CDH13: variants seen among roughly 807,000 people sequenced by gnomAD.
CDH13 encodes the protein cadherin 13.
CDH13 carries 24 observed loss-of-function variants against 63.8 expected under a neutral mutation model. The ratio of observed to expected loss-of-function variants is 0.38; its 90% CI spans 0.27 to 0.53. The LOEUF is 0.53. Ranked by LOEUF, CDH13 falls within the 20% of genes least tolerant of loss-of-function variation. CDH13 has a pLI of 0.85. For synonymous variants in CDH13, 503 were observed against 355.3 expected (o/e 1.42, Z -4.67); for missense variants, 1,049 against 903.1 (o/e 1.16, Z -2.07).
chr16:83,349,758 G>C (rs1436856661), intron 6 of CDH13, among the ~76,000 whole-genome samples: 2 of 151,916 alleles, frequency 1.3e-5, no homozygotes, highest in Non-Finnish European at 2.9e-5. Flanking sequence ...CTGCCACCAC[G>C]CCCAGCTAAT....
chr16:83,414,873 G>A (rs75913170), intron 6 of CDH13, among the ~76,000 whole-genome samples: 3,051 of 152,188 alleles, frequency 0.02, 118 homozygotes, highest in African/African-American at 0.068. Flanking sequence ...TGCAGTGAAC[G>A]TGGTAGCTCT....
chr16:83,665,682 A>C (rs1913881650), intron 8 of CDH13, among the ~76,000 whole-genome samples: 2 of 152,194 alleles, frequency 1.3e-5, no homozygotes, highest in Non-Finnish European at 2.9e-5. Context: ...TTAGTCTAGT[A>C]TTCAGGTCAA....
At chr16:83,330,433 G>C (rs2090456375) in intron 5 of CDH13, among the ~76,000 whole-genome samples, 1 of 152,224 alleles carries the variant, frequency 6.6e-6, no homozygotes, top group Non-Finnish European at 1.5e-5. Context: ...CTTGAGGTTA[G>C]AGTGTGCCAC....
intron 5 of CDH13, among the ~76,000 whole-genome samples, chr16:83,322,997 C>G (rs1006101862): frequency 6.6e-6 from 1 of 151,794 alleles, no homozygotes; most frequent in Non-Finnish European, 1.5e-5. Flanking sequence ...ACTTTCATAC[C>G]CATTTGTTTG....
intron 3 of CDH13, among the ~76,000 whole-genome samples, chr16:83,090,573 C>CAAAA (rs372312398): frequency 2.2e-4 from 28 of 129,976 alleles, no homozygotes; most frequent in African/African-American, 5.8e-4. Flanking sequence ...AACTGCATCT[C>CAAAA]AAAAAAAAAA....
intron 2 of CDH13, among the ~76,000 whole-genome samples, chr16:83,026,508 T>C (rs944416378): frequency 6.6e-6 from 1 of 152,190 alleles, no homozygotes; most frequent in African/African-American, 2.4e-5. Context: ...GGACAAAAAT[T>C]GCACTTACAA....
chr16:83,072,637 C>G (rs562670100), intron 3 of CDH13, among the ~76,000 whole-genome samples: 1 of 152,104 alleles, frequency 6.6e-6, no homozygotes, highest in Non-Finnish European at 1.5e-5. Context: ...CTTAGGTGTT[C>G]TGGGTCCCAT....
chr16:83,778,341 C>T (rs750240533), intron 11 of CDH13, among the ~76,000 whole-genome samples: 1 of 152,126 alleles, frequency 6.6e-6, no homozygotes, highest in African/African-American at 2.4e-5. Flanking sequence ...ACCAGACTGA[C>T]CAACGTGGTG....
chr16:83,356,995 T>G (rs117895945), intron 6 of CDH13, among the ~76,000 whole-genome samples: 2 of 152,218 alleles, frequency 1.3e-5, no homozygotes, highest in Non-Finnish European at 2.9e-5. Flanking sequence ...TTCTTTAGTG[T>G]GTCACCATCT....
intron 2 of CDH13, among the ~76,000 whole-genome samples, chr16:82,976,803 A>G (rs368579120): frequency 4.3e-4 from 66 of 152,084 alleles, no homozygotes; most frequent in African/African-American, 1.5e-3. Context: ...TCTGCCTGGA[A>G]CTCAGCTAGC....
chr16:82,876,321 T>A (rs1365085966), intron 2 of CDH13, among the ~76,000 whole-genome samples: 1 of 152,194 alleles, frequency 6.6e-6, no homozygotes, highest in Admixed American at 6.5e-5. Context: ...CCTGAAACCA[T>A]CATTGAGTAG....
intron 3 of CDH13, among the ~76,000 whole-genome samples, chr16:83,110,400 A>T (rs1251235093): frequency 6.6e-6 from 1 of 152,218 alleles, no homozygotes; most frequent in Non-Finnish European, 1.5e-5. Flanking sequence ...ACAACCAAGG[A>T]GGATTTAACA....
intron 1 of CDH13, among the ~76,000 whole-genome samples, chr16:82,798,547 A>G (rs908152946): frequency 1.3e-5 from 2 of 152,188 alleles, no homozygotes; most frequent in Admixed American, 1.3e-4. Flanking sequence ...TGAGCCGTAA[A>G]TACAGGTTAA....
chr16:83,254,022 C>T (rs1905911305), intron 5 of CDH13, among the ~76,000 whole-genome samples: 1 of 152,184 alleles, frequency 6.6e-6, no homozygotes, highest in Non-Finnish European at 1.5e-5. Context: ...GAATGTCTTG[C>T]TCCTGGATCT....
At chr16:83,730,899 C>A (rs545040741) in intron 10 of CDH13, among the ~76,000 whole-genome samples, 2 of 152,174 alleles carry the variant, frequency 1.3e-5, no homozygotes, top group East Asian at 3.9e-4. Flanking sequence ...CCACTTAGAA[C>A]TGAGAACATG....
At chr16:83,206,952 T>C (rs2039200526) in intron 4 of CDH13, among the ~76,000 whole-genome samples, 1 of 152,132 alleles carries the variant, frequency 6.6e-6, no homozygotes. Flanking sequence ...CTGGATAAAA[T>C]CACCTGTACT....
At chr16:83,564,502 G>A (rs969936124) in intron 7 of CDH13, among the ~76,000 whole-genome samples, 3 of 150,746 alleles carry the variant, frequency 2.0e-5, no homozygotes, top group Non-Finnish European at 1.5e-5. Flanking sequence ...TCTGCCTCCC[G>A]GGTTCAAGTG....
chr16:83,733,661 T>G (rs1911259313), intron 10 of CDH13, among the ~76,000 whole-genome samples: 1 of 152,176 alleles, frequency 6.6e-6, no homozygotes, highest in South Asian at 2.1e-4. Context: ...GAGACCCAGG[T>G]GCCAGAGCAA....
intron 1 of CDH13, chr16:82,829,326 A>G (rs2038415060): frequency 6.6e-6 from 1 of 152,126 alleles, no homozygotes; most frequent in Non-Finnish European, 1.5e-5. Context: ...CCTGACTAGG[A>G]TGATGGATGT....
Sources: allele counts gnomAD v4.1 joint callset (sites outside exome capture counted in the v4.1 genomes callset), GRCh38; gene constraint gnomAD v4.1.1; transcripts MANE v1.5; gene names NCBI Gene and HGNC (gene_info 2026-07-23, HGNC 2026-07-21).